Variants in MCC observed in about 807,000 individuals in gnomAD.
MCC encodes colorectal mutant cancer protein.
MCC carries 90 observed loss-of-function variants against 116.2 expected under a neutral mutation model. The ratio of observed to expected loss-of-function variants is 0.77; its 90% CI spans 0.65 to 0.92. The LOEUF is 0.92. Among genes scored for constraint, MCC ranks in the 40% least tolerant of loss-of-function variants. MCC has a pLI of 0.00. For missense variants in MCC, 1,516 were observed against 1,312.2 expected (o/e 1.16, Z -2.40); for synonymous variants, 578 against 510.5 (o/e 1.13, Z -1.78).
At chr5:113,356,865 A>G (rs1427665092) in intron 2 of MCC, among the ~76,000 whole-genome samples, 3 of 152,256 alleles carry the variant, frequency 2.0e-5, no homozygotes, top group Admixed American at 6.5e-5. Flanking sequence ...ACTAAGGACC[A>G]GATACTGTAC....
intron 3 of MCC, among the ~76,000 whole-genome samples, chr5:113,300,338 A>G (rs893535493): frequency 6.6e-6 from 1 of 152,162 alleles, no homozygotes; most frequent in Non-Finnish European, 1.5e-5. Context: ...CCTCCAGCCC[A>G]CAAGAGTACC....
chr5:113,410,765 C>T (rs1769968184), intron 1 of MCC, among the ~76,000 whole-genome samples: 1 of 152,184 alleles, frequency 6.6e-6, no homozygotes, highest in Non-Finnish European at 1.5e-5. Context: ...CAACGCTCCA[C>T]CCTACAACAG....
At chr5:113,201,401 A>AC (rs1456272819) in intron 3 of MCC, among the ~76,000 whole-genome samples, 2 of 151,482 alleles carry the variant, frequency 1.3e-5, no homozygotes, top group Admixed American at 6.6e-5. Context: ...AAAAAAAAAA[A>AC]AAAACAAAGA....
intron 6 of MCC, among the ~76,000 whole-genome samples, chr5:113,117,236 T>C (rs151298303): frequency 1.3e-5 from 2 of 152,360 alleles, no homozygotes; most frequent in East Asian, 1.9e-4. Context: ...CATTTTTTCC[T>C]GAAGCCATTA....
chr5:113,420,819 C>T (rs992955801), intron 1 of MCC, among the ~76,000 whole-genome samples: 1 of 152,150 alleles, frequency 6.6e-6, no homozygotes, highest in African/African-American at 2.4e-5. Context: ...TCCTCCTACA[C>T]TGACTTTTTT....
At chr5:113,117,124 A>G (rs1413914476) in intron 6 of MCC, among the ~76,000 whole-genome samples, 1 of 152,150 alleles carries the variant, frequency 6.6e-6, no homozygotes, top group African/African-American at 2.4e-5. Flanking sequence ...GTGTAAACAC[A>G]TTTCTCCAGG....
chr5:113,178,598 C>T (rs1209230870), intron 3 of MCC, among the ~76,000 whole-genome samples: 1 of 152,200 alleles, frequency 6.6e-6, no homozygotes, highest in African/African-American at 2.4e-5. Context: ...GATAGCTAAA[C>T]TTCTGCCAAC....
chr5:113,131,676 C>T (rs958337500), intron 5 of MCC, among the ~76,000 whole-genome samples: 3 of 152,092 alleles, frequency 2.0e-5, no homozygotes, highest in Non-Finnish European at 4.4e-5. Flanking sequence ...CCTCAGAGAT[C>T]AGGAACTGCT....
At position 113,236,997 on chromosome 5, in the gene MCC, T is replaced by C. The variant is rs150114720; in HGVS notation, c.628-85575A>G. Among the ~76,000 whole-genome samples the C allele has an allele frequency of 2.0e-5, 3 of 152,266 alleles. No homozygotes were observed. The South Asian group carries it at 6.2e-4, about 32-fold the overall frequency. On this transcript the variant is annotated intron_variant, in intron 3 of 18. Transcript: ENST00000408903. ...TGTCAGTTGTTTTCACTCTGTCAAG[T>C]TGAAAAAATTGAGAAGGAAAGTGGC...
At chr5:113,253,650 A>T (rs760679509) in intron 3 of MCC, among the ~76,000 whole-genome samples, 2 of 152,216 alleles carry the variant, frequency 1.3e-5, no homozygotes, top group Non-Finnish European at 2.9e-5. Context: ...ATAGGTAAGC[A>T]AGGATGACTA....
At chr5:113,143,766 C>G (rs1375423924) in intron 4 of MCC, among the ~76,000 whole-genome samples, 1 of 152,164 alleles carries the variant, frequency 6.6e-6, no homozygotes, top group Non-Finnish European at 1.5e-5. Flanking sequence ...ATTCAGAAAG[C>G]CTTGAAGAGC....
intron 3 of MCC, among the ~76,000 whole-genome samples, chr5:113,200,058 G>A (rs1363438181): frequency 6.6e-6 from 1 of 152,164 alleles, no homozygotes. Context: ...AGCACAGGTG[G>A]AAAGAGTTTT....
intron 2 of MCC, among the ~76,000 whole-genome samples, chr5:113,368,305 T>A (rs1040847933): frequency 3.9e-5 from 6 of 152,210 alleles, no homozygotes; most frequent in Non-Finnish European, 7.3e-5. Context: ...TCATAATTGG[T>A]CAGAGTTTAT....
At chr5:113,304,173 C>G (rs1262719353) in intron 3 of MCC, among the ~76,000 whole-genome samples, 1 of 152,198 alleles carries the variant, frequency 6.6e-6, no homozygotes, top group Non-Finnish European at 1.5e-5. Context: ...TCTGTCCCAT[C>G]ATGGCCAGGT....
chr5:113,205,907 T>C (rs116166991), intron 3 of MCC, among the ~76,000 whole-genome samples: 36 of 152,304 alleles, frequency 2.4e-4, no homozygotes, highest in Non-Finnish European at 4.6e-4. Context: ...GGCATTTCTA[T>C]AGAAGGCTCC....
At chr5:113,150,338 C>T (rs567203465) in intron 4 of MCC, among the ~76,000 whole-genome samples, 15 of 152,208 alleles carry the variant, frequency 9.9e-5, no homozygotes, top group East Asian at 3.9e-4. Flanking sequence ...AAAATACTGA[C>T]GTCAAATCCC....
chr5:113,431,788 G>A (rs1301018500), intron 1 of MCC, among the ~76,000 whole-genome samples: 1 of 146,870 alleles, frequency 6.8e-6, no homozygotes, highest in Non-Finnish European at 1.5e-5. Context: ...GGATCACGAG[G>A]TCAAGAGTTC....
chr5:113,241,337 C>T (rs953927145), intron 3 of MCC, among the ~76,000 whole-genome samples: 1 of 152,142 alleles, frequency 6.6e-6, no homozygotes, highest in African/African-American at 2.4e-5. Context: ...GGAGTGATTT[C>T]AACAAATTTT....
In MCC at chr5:113,434,017, TG is replaced by T; in HGVS notation, c.171-48806del. ...GCCACAGAGGGAGATCCCCGTGCCT[TG>T]GGCTGCATCCAGCAGTGGCTGAGGA... On this transcript the variant is annotated intron_variant, in intron 1 of 18. Coordinates refer to ENST00000408903, the MANE Select transcript of MCC (RefSeq NM_001085377.2). This position sits in a 1 kb window ranked among gnomAD's most constrained non-coding sequence, Gnocchi z 4.2. 6.2e-7 allele frequency: 1 copy of T among 1,613,986 alleles called. No homozygotes were observed.
Sources: gnomAD v4.1 joint callset for allele counts (sites outside exome capture counted in the v4.1 genomes callset) on GRCh38, gnomAD v4.1.1 for gene constraint, Gnocchi (gnomAD v3.1) non-coding constraint, MANE v1.5 for transcripts, NCBI Gene and HGNC (gene_info 2026-07-23, HGNC 2026-07-21) for gene names.